The following CLUL1 variants were observed in gnomAD, a reference collection of about 807,000 sequenced individuals.
CLUL1 encodes clusterin-like protein 1.
In CLUL1, 43 loss-of-function variants were observed where a neutral mutation model predicts 49.4. The observed-to-expected ratio is 0.87, with a 90% CI of 0.68 to 1.12. CLUL1 has a LOEUF of 1.12. Among genes scored for constraint, CLUL1 ranks in the 50% most tolerant of loss-of-function variants. CLUL1 has a pLI of 0.00. For synonymous variants in CLUL1, 192 were observed against 184.9 expected (o/e 1.04, Z -0.31); for missense variants, 486 against 544.4 (o/e 0.89, Z 1.07).
At chr18:616,582 T>C (rs479141) in intron 2 of CLUL1, 231,371 of 243,930 alleles carry the variant, frequency 0.95, 110,245 homozygotes, top group East Asian at 1. Context: ...TTCTGAACAG[T>C]ACCAAATTTT....
chr18:641,058 G>A (rs187173780), intron 7 of CLUL1, among the ~76,000 whole-genome samples: 9 of 152,136 alleles, frequency 5.9e-5, no homozygotes, highest in African/African-American at 2.2e-4. Context: ...TCTTAATATA[G>A]GTGGTAGGCA....
intron 1 of CLUL1, among the ~76,000 whole-genome samples, chr18:601,764 G>A (rs546282184): frequency 3.6e-4 from 54 of 151,466 alleles, no homozygotes; most frequent in Middle Eastern, 6.9e-3. Flanking sequence ...GGACGAGATC[G>A]TGCCACTGCA....
At chr18:620,994 T>G (rs1401117631) in intron 4 of CLUL1, among the ~76,000 whole-genome samples, 1 of 152,222 alleles carries the variant, frequency 6.6e-6, no homozygotes, top group Non-Finnish European at 1.5e-5. Flanking sequence ...TTTATTTTTA[T>G]TTTTTGAAAA....
chr18:647,290 A>AAATACG (rs1162886032), intron 9 of CLUL1, among the ~76,000 whole-genome samples: 1 of 152,098 alleles, frequency 6.6e-6, no homozygotes, highest in Non-Finnish European at 1.5e-5. Flanking sequence ...GTCCTGCTAA[A>AAATACG]GTGGTCCCCT....
In CLUL1 at chr18:597,283, G is replaced by C. The variant is rs551322229; in HGVS notation, c.-136+154G>C. On this transcript the variant is annotated intron_variant, in intron 1 of 9. Transcript: ENST00000692774. ...AGAACAAAGCCACTGTTCTTGCCGG[G>C]GAAGGTAGAAATACTGTGGGCTGCT... Among the ~76,000 whole-genome samples, 264 of 152,320 alleles carry C rather than the reference G, an allele frequency of 1.7e-3. 1 individual carries two copies. The highest frequency in any genetic ancestry group is 5.5e-3 in the African/African-American group (228 of 41,578).
At chr18:607,846 G>A (rs920006347) in intron 2 of CLUL1, among the ~76,000 whole-genome samples, 3 of 152,202 alleles carry the variant, frequency 2.0e-5, no homozygotes, top group Admixed American at 1.3e-4. Flanking sequence ...GACATTACAG[G>A]CACACACTGC....
chr18:633,931 G>A (rs2074067997), intron 7 of CLUL1, among the ~76,000 whole-genome samples: 1 of 152,168 alleles, frequency 6.6e-6, no homozygotes, highest in Non-Finnish European at 1.5e-5. Context: ...AGAAGGCAAA[G>A]AATTGAACAT....
In CLUL1 at chr18:619,866, C is replaced by T. The variant is rs546756644; in HGVS notation, c.255+505C>T. ...CTGGGATTACAGGCTCCTACCACCA[C>T]GCCTGGCTAATTTTTGTATTTTTAG... On this transcript the variant is annotated intron_variant, in intron 4 of 9. Coordinates refer to ENST00000692774, the MANE Select transcript of CLUL1 (RefSeq NM_001393344.1). Among the ~76,000 whole-genome samples the T allele has an allele frequency of 4.5e-4, 69 of 152,078 alleles. 1 individual carries two copies. The highest frequency in any genetic ancestry group is 1.4e-3 in the African/African-American group (60 of 41,498).
intron 6 of CLUL1, among the ~76,000 whole-genome samples, chr18:630,413 C>A (rs2073959891): frequency 6.6e-6 from 1 of 151,996 alleles, no homozygotes; most frequent in Non-Finnish European, 1.5e-5. Context: ...CCGGCCTCAA[C>A]TGATTTTAAA....
At chr18:598,284 C>G in intron 1 of CLUL1, 2 of 349,042 alleles carry the variant, frequency 5.7e-6, no homozygotes, top group Non-Finnish European at 1.0e-5. Flanking sequence ...GAATGTGGGA[C>G]AGTAAAAATC....
intron 5 of CLUL1, among the ~76,000 whole-genome samples, 198 bp from the exon 6 acceptor site, chr18:626,899 G>GA (rs371146115): frequency 1.9e-3 from 1 of 516 alleles, no homozygotes; most frequent in African/African-American, 2.1e-3. Context: ...AAGAAAGAAA[G>GA]AAAGAAAGAA....
At chr18:608,683 A>C (rs148184006) in intron 2 of CLUL1, among the ~76,000 whole-genome samples, 57 of 151,962 alleles carry the variant, frequency 3.8e-4, no homozygotes, top group African/African-American at 1.4e-3. Context: ...TCACTACTAC[A>C]CTCCAGCCTG....
rs2073980558 is a variant in CLUL1 at position 631,016 on chromosome 18, A to C, written c.857-2282A>C. Among the ~76,000 whole-genome samples, 3 of 152,086 alleles carry C rather than the reference A, an allele frequency of 2.0e-5. No homozygotes were observed. In the East Asian group the frequency reaches 5.8e-4, roughly 29 times the overall value. On this transcript the variant is annotated intron_variant, in intron 6 of 9. Transcript: ENST00000692774. Reference sequence around the variant, plus strand: ...GCAGAGCTAATAATAATAGTAACTGACCAACATTTACTGAGCAAGTTCCGT... The same window carrying C: ...GCAGAGCTAATAATAATAGTAACTGCCCAACATTTACTGAGCAAGTTCCGT...
chr18:645,809 AAATATAT>A (rs1233810509), intron 9 of CLUL1, among the ~76,000 whole-genome samples: 2 of 70,468 alleles, frequency 2.8e-5, no homozygotes, highest in South Asian at 5.5e-4. Context: ...AAAAAAAAAA[AAATATAT>A]ATATATATAT....
At chr18:626,924 AAAGAAGG>A (rs1567966617) in intron 5 of CLUL1, among the ~76,000 whole-genome samples, 166 bp from the exon 6 acceptor site, 17 of 1,500 alleles carry the variant, frequency 0.011, 1 homozygote, top group South Asian at 0.25. Flanking sequence ...AGAAAGAAAG[AAAGAAGG>A]AAAGAAGGAA....
chr18:626,875 GAAA>G (rs2073744239), intron 5 of CLUL1, among the ~76,000 whole-genome samples: 1 of 230 alleles, frequency 4.3e-3, no homozygotes, highest in African/African-American at 6.2e-3. Flanking sequence ...AAGAAAGAAA[GAAA>G]GAAAGAAAGA....
intron 3 of CLUL1, 78 bp from the exon 4 acceptor site, chr18:619,135 G>A: frequency 7.3e-7 from 1 of 1,362,240 alleles, no homozygotes; most frequent in Non-Finnish European, 1.0e-6. Flanking sequence ...CTCTCTTTTG[G>A]AGACATGAAA....
chr18:607,630 G>C (rs915058730), intron 2 of CLUL1, among the ~76,000 whole-genome samples: 1 of 152,024 alleles, frequency 6.6e-6, no homozygotes, highest in Admixed American at 6.5e-5. Flanking sequence ...GTCTCACCCT[G>C]GTGTCCAGGC....
chr18:599,314 TTAACCTC>T (rs1425953025), intron 1 of CLUL1, among the ~76,000 whole-genome samples: 2 of 152,246 alleles, frequency 1.3e-5, no homozygotes, highest in Non-Finnish European at 2.9e-5. Flanking sequence ...AGCAAATTAC[TTAACCTC>T]TATGATCCTT....
Sources: gnomAD v4.1 joint callset for allele counts (sites outside exome capture counted in the v4.1 genomes callset) on GRCh38, gnomAD v4.1.1 for gene constraint, MANE v1.5 for transcripts, NCBI Gene and HGNC (gene_info 2026-07-23, HGNC 2026-07-21) for gene names.